Variants in EPB41L3 observed in about 807,000 individuals in gnomAD.
EPB41L3 encodes the protein band 4.1-like protein 3.
In EPB41L3, 57 loss-of-function variants were observed where a neutral mutation model predicts 127.1. The ratio of observed to expected loss-of-function variants is 0.45; its 90% CI spans 0.36 to 0.56. The LOEUF (loss-of-function observed/expected upper bound fraction) is 0.56. Ranked by LOEUF, EPB41L3 falls within the 20% of genes least tolerant of loss-of-function variation. The pLI is 0.00. For synonymous variants in EPB41L3, 572 were observed against 549.5 expected, an observed-to-expected ratio of 1.04 and a Z score of -0.57; for missense variants, 1,273 against 1,372.2, an observed-to-expected ratio of 0.93 and a Z score of 1.14.
intron 6 of EPB41L3, among the ~76,000 whole-genome samples, chr18:5,436,592 T>C (rs1488524187): frequency 6.6e-6 from 1 of 151,908 alleles, no homozygotes; most frequent in East Asian, 1.9e-4. Context: ...GTATTTTTAG[T>C]GGAGACAGGG....
intron 3 of EPB41L3, among the ~76,000 whole-genome samples, chr18:5,594,142 T>G (rs2094514307): frequency 6.6e-6 from 1 of 152,202 alleles, no homozygotes; most frequent in Non-Finnish European, 1.5e-5. Flanking sequence ...CCATGAAATC[T>G]TCACAATTTA....
At chr18:5,549,686 T>C (rs1197045214) in intron 3 of EPB41L3, among the ~76,000 whole-genome samples, 2 of 152,162 alleles carry the variant, frequency 1.3e-5, no homozygotes, top group African/African-American at 4.8e-5. Context: ...TCGGAAGCTC[T>C]GGGGTGGGGT....
At chr18:5,478,557 AT>A in intron 2 of EPB41L3, 119 bp from the exon 3 acceptor site, 1 of 808,060 alleles carries the variant, frequency 1.2e-6, no homozygotes, top group Non-Finnish European at 2.0e-6. Context: ...GAATTAGGAT[AT>A]TAGGAATAGA....
chr18:5,607,319 G>C (rs2094670007), intron 3 of EPB41L3, among the ~76,000 whole-genome samples: 1 of 152,196 alleles, frequency 6.6e-6, no homozygotes, highest in South Asian at 2.1e-4. Flanking sequence ...ATGAGGATCT[G>C]CCCAGTGTCA....
At chr18:5,420,116 T>C (rs1234759582) in intron 11 of EPB41L3, 1 of 731,628 alleles carries the variant, frequency 1.4e-6, no homozygotes, top group Non-Finnish European at 2.1e-6. Context: ...ATTTCCTATA[T>C]GAGTGCTTTA....
At chr18:5,469,270 G>A (rs1250144866) in intron 3 of EPB41L3, among the ~76,000 whole-genome samples, 1 of 150,502 alleles carries the variant, frequency 6.6e-6, no homozygotes, top group Non-Finnish European at 1.5e-5. Flanking sequence ...CATCCTCTTT[G>A]GGGGGTCTGT....
rs907165968 is a variant in EPB41L3, at chr18:5,396,183, C to T, written c.2973+18G>A. The T allele has an allele frequency of 5.6e-6, 9 of 1,614,010 alleles. No individual in the cohort carries two copies. Among genetic ancestry groups the T allele is most frequent in the Non-Finnish European group, 7.6e-6 (9 of 1,179,896 alleles). ...TGAAATAAGCAGCCAGGGCTCTGGTCTTCACAGAATATCTCACCTGTGATG... is the reference window on the plus strand; with the variant it reads ...TGAAATAAGCAGCCAGGGCTCTGGTTTTCACAGAATATCTCACCTGTGATG... On this transcript the variant is annotated intron_variant, in intron 19 of 22. Transcript: ENST00000341928.
intron 3 of EPB41L3, among the ~76,000 whole-genome samples, chr18:5,599,746 A>T (rs1013751091): frequency 8.5e-5 from 13 of 152,148 alleles, no homozygotes; most frequent in African/African-American, 1.4e-4. Context: ...CCAGAAGCCT[A>T]GCAGAAGCCA....
At chr18:5,463,501 T>C (rs72866895) in intron 3 of EPB41L3, 6,381 of 152,374 alleles carry the variant, frequency 0.042, 241 homozygotes, top group Non-Finnish European at 0.064. Flanking sequence ...CTCTAGCTGG[T>C]TGCCGATGGT....
chr18:5,567,240 C>T (rs368744324), intron 3 of EPB41L3: 1 of 152,302 alleles, frequency 6.6e-6, no homozygotes, highest in African/African-American at 2.4e-5. Context: ...CCGGCCCCAT[C>T]CCCAAGGCAG....
At chr18:5,426,223 A>G (rs900605116) in intron 9 of EPB41L3, among the ~76,000 whole-genome samples, 1 of 152,140 alleles carries the variant, frequency 6.6e-6, no homozygotes, top group Non-Finnish European at 1.5e-5. Context: ...AACTCTGTTC[A>G]ACTCCTTCCT....
intron 3 of EPB41L3, among the ~76,000 whole-genome samples, chr18:5,569,624 A>G (rs2094251626): frequency 1.3e-5 from 2 of 152,182 alleles, no homozygotes; most frequent in Admixed American, 6.5e-5. Context: ...TCTCTCTTAC[A>G]TGGAAAATAT....
chr18:5,622,982 A>C (rs1167069603), intron 1 of EPB41L3, among the ~76,000 whole-genome samples: 1 of 74,940 alleles, frequency 1.3e-5, no homozygotes, highest in African/African-American at 5.3e-5. Flanking sequence ...TTTTTTAGCT[A>C]TCAGACCAGT....
chr18:5,399,599 A>G, intron 16 of EPB41L3: 1 of 381,168 alleles, frequency 2.6e-6, no homozygotes, highest in Non-Finnish European at 4.6e-6. Context: ...CGGTAGGTAG[A>G]GTTGCAACTT....
At chr18:5,548,902 C>A (rs2093924594), upstream of EPB41L3, among the ~76,000 whole-genome samples, 1 of 152,114 alleles carries the variant, frequency 6.6e-6, no homozygotes, top group African/African-American at 2.4e-5. Flanking sequence ...GAATTATATG[C>A]TAAGACACTT....
At chr18:5,514,641 AT>A (rs1167529189) in intron 1 of EPB41L3, among the ~76,000 whole-genome samples, 1 of 152,126 alleles carries the variant, frequency 6.6e-6, no homozygotes, top group Non-Finnish European at 1.5e-5. Context: ...GAAACAATAT[AT>A]TTTCAAATGA....
intron 2 of EPB41L3, chr18:5,480,805 G>C (rs546422870): frequency 1.3e-5 from 2 of 152,138 alleles, no homozygotes; most frequent in African/African-American, 4.8e-5. Flanking sequence ...TCTGACTGCA[G>C]AAGATAAATA....
intron 1 of EPB41L3, among the ~76,000 whole-genome samples, chr18:5,502,027 CT>C (rs2091790032): frequency 6.7e-6 from 1 of 148,470 alleles, no homozygotes; most frequent in African/African-American, 2.5e-5. Flanking sequence ...CAGTCGCCAT[CT>C]TCCCTCCTGC....
intron 1 of EPB41L3, among the ~76,000 whole-genome samples, chr18:5,529,926 A>ATGTGTGTG (rs762060217): frequency 2.1e-4 from 19 of 91,504 alleles, no homozygotes; most frequent in African/African-American, 5.5e-4. Flanking sequence ...ATCAACTCAT[A>ATGTGTGTG]TATGTGTGTG....
Sources: allele counts gnomAD v4.1 joint callset (sites outside exome capture counted in the v4.1 genomes callset), GRCh38; gene constraint gnomAD v4.1.1; transcripts MANE v1.5; gene names NCBI Gene and HGNC (gene_info 2026-07-23, HGNC 2026-07-21).